SLC27A2: variants seen among roughly 807,000 people sequenced by gnomAD.
SLC27A2 encodes solute carrier family 27 member 2.
In SLC27A2, 54 loss-of-function variants were observed where a neutral mutation model predicts 60.0. The ratio of observed to expected loss-of-function variants is 0.90; its 90% CI spans 0.72 to 1.13. The LOEUF (loss-of-function observed/expected upper bound fraction) is 1.13, where lower values mean the gene tolerates loss of function less well. Ranked by LOEUF, SLC27A2 falls within the 50% of genes most tolerant of loss-of-function variation. The pLI is 0.00. For synonymous variants in SLC27A2, 297 were observed against 297.6 expected (o/e 1.00, Z 0.02); for missense variants, 739 against 777.6 (o/e 0.95, Z 0.59).
At chr15:50,223,403 G>A (rs1461091975) in intron 5 of SLC27A2, among the ~76,000 whole-genome samples, 6 of 152,172 alleles carry the variant, frequency 3.9e-5, no homozygotes, top group Non-Finnish European at 5.9e-5. Context: ...CTGCAACTTA[G>A]GTGAAGTCTT....
At chr15:50,207,952 CAA>C (rs766791604) in intron 4 of SLC27A2, among the ~76,000 whole-genome samples, 9 of 114,412 alleles carry the variant, frequency 7.9e-5, no homozygotes, top group African/African-American at 1.2e-4. Flanking sequence ...AAAGACTTTG[CAA>C]AAAAAAAAAA....
At chr15:50,192,073 AG>A (rs201433523) in intron 1 of SLC27A2, among the ~76,000 whole-genome samples, 12 of 151,976 alleles carry the variant, frequency 7.9e-5, no homozygotes, top group African/African-American at 2.9e-4. Context: ...AAAAAAAAAA[AG>A]AAAAAAGAAA....
At position 50,223,516 on chromosome 15, in the gene SLC27A2, G is replaced by A. The variant is rs534639930; in HGVS notation, c.1167+357G>A. Among the ~76,000 whole-genome samples the A allele has an allele frequency of 1.7e-3, 255 of 151,176 alleles. 2 individuals are homozygous for A. Among genetic ancestry groups the A allele is most frequent in the Non-Finnish European group, 2.8e-3 (187 of 67,756 alleles). ...CATAGTATTTCCCTTTAATTGTGTCGTGCAGCACCATCACCTGGGGAGTTT... is the reference window on the plus strand; with the variant it reads ...CATAGTATTTCCCTTTAATTGTGTCATGCAGCACCATCACCTGGGGAGTTT... On this transcript the variant is annotated intron_variant, in intron 5 of 9. Coordinates refer to ENST00000267842, the MANE Select transcript of SLC27A2 (RefSeq NM_003645.4).
intron 9 of SLC27A2, among the ~76,000 whole-genome samples, chr15:50,235,115 G>A (rs754434675): frequency 1.3e-5 from 2 of 152,112 alleles, no homozygotes; most frequent in Non-Finnish European, 2.9e-5. Flanking sequence ...TGAGCTCTGT[G>A]ATTCTGTAGC....
intron 2 of SLC27A2, among the ~76,000 whole-genome samples, chr15:50,199,393 G>A (rs2045047439): frequency 6.6e-6 from 1 of 150,624 alleles, no homozygotes; most frequent in South Asian, 2.1e-4. Context: ...AGAATGGCAT[G>A]CATGAACCAG....
intron 1 of SLC27A2, among the ~76,000 whole-genome samples, chr15:50,193,564 G>A (rs77179938): frequency 0.023 from 3,489 of 152,306 alleles, 136 homozygotes; most frequent in African/African-American, 0.08. Flanking sequence ...AGCAGTAGGA[G>A]TTGTTGTTTT....
chr15:50,182,872 T>G lies in SLC27A2; in HGVS notation c.445T>G (p.Cys149Gly). The G allele has an allele frequency of 6.2e-7, 1 of 1,611,806 alleles. No individual in the cohort carries two copies. The highest frequency in any genetic ancestry group is 8.5e-7 in the Non-Finnish European group (1 of 1,179,406). ...GAAGTCCCTGCTGCACTGCTTCCAG[T>G]GCTGCGGGGCGAAGGTGCTGCTGGT... ...RAKSLLHCFQCCGAKVLLVSP... is the reference protein window; with the variant it reads ...RAKSLLHCFQGCGAKVLLVSP... Residue 149 changes from cysteine to glycine, a missense_variant, in exon 1 of 10, where the codon TGC (cysteine) becomes GGC (glycine). By Grantham distance (159) the Cys-to-Gly change is radical. Transcript: ENST00000267842.
rs755863102 is a variant in SLC27A2, at chr15:50,226,043, G to T, written c.1223G>T (p.Arg408Leu). 1.2e-6 allele frequency: 2 copies of T among 1,611,684 alleles called. No homozygotes were observed. The highest frequency in any genetic ancestry group is 1.7e-6 in the Non-Finnish European group (2 of 1,177,794). The change falls in exon 6 of 10, where the codon CGT becomes CTT. Residue 408 changes from arginine to leucine, a missense_variant. By Grantham distance (102) the Arg-to-Leu change is moderately radical. Coordinates refer to ENST00000267842, the MANE Select transcript of SLC27A2 (RefSeq NM_003645.4). ...GATGTGGAGAAAGATGAACCTGTCC[G>T]TGATGAAAATGGATATTGCGTCAGA... The part of the protein sequence containing the change: ...KYDVEKDEPV[R>L]DENGYCVRVP...
chr15:50,226,318 G>A (rs1391645407), intron 6 of SLC27A2, among the ~76,000 whole-genome samples: 2 of 152,196 alleles, frequency 1.3e-5, no homozygotes, highest in Admixed American at 1.3e-4. Context: ...TGTTTTGTGG[G>A]AAGGGATATG....
At chr15:50,208,472 G>C (rs1031059443) in intron 4 of SLC27A2, among the ~76,000 whole-genome samples, 1 of 152,142 alleles carries the variant, frequency 6.6e-6, no homozygotes, top group African/African-American at 2.4e-5. Context: ...TACCTCACAT[G>C]GGGTCTATGA....
Position 50,196,064 on chromosome 15 carries a change from A to AAAAT in SLC27A2, c.479-1433_479-1432insTAAA, listed in dbSNP as rs1269591852. Among the ~76,000 whole-genome samples the AAAAT allele has an allele frequency of 1.1e-3, 24 of 21,418 alleles. 2 individuals carry two copies. Among genetic ancestry groups the AAAAT allele is most frequent in the Non-Finnish European group, 2.2e-3 (22 of 10,018 alleles). The allele number at this position is 21,418 out of a possible 152,430, so 14.1% of individuals were successfully genotyped here. ...GCCAGACTCTGTCTCAAAAAAAAAA[A>AAAAT]AAAAAAAAAAAAAATATATATATAT... On this transcript the variant is annotated intron_variant, in intron 1 of 9. Transcript: ENST00000267842.
chr15:50,195,167 A>T (rs2045003376), intron 1 of SLC27A2, among the ~76,000 whole-genome samples: 1 of 152,130 alleles, frequency 6.6e-6, no homozygotes, highest in Non-Finnish European at 1.5e-5. Flanking sequence ...AACAGCTTTT[A>T]AAAAATTGAC....
intron 4 of SLC27A2, among the ~76,000 whole-genome samples, chr15:50,213,812 G>A (rs2045174981): frequency 6.6e-6 from 1 of 151,990 alleles, no homozygotes; most frequent in African/African-American, 2.4e-5. Context: ...AACAAAGGCG[G>A]TGCTAAGAGG....
chr15:50,191,221 A>C (rs920424605), intron 1 of SLC27A2: 1 of 152,212 alleles, frequency 6.6e-6, no homozygotes, highest in African/African-American at 2.4e-5. Flanking sequence ...TGCAAATGAA[A>C]ATTTTAAATG....
intron 1 of SLC27A2, among the ~76,000 whole-genome samples, chr15:50,188,982 A>AATAGATAGATAGATAGATAG (rs199573332): frequency 7.4e-6 from 1 of 135,422 alleles, no homozygotes; most frequent in Non-Finnish European, 1.6e-5. Flanking sequence ...TAGATAGATA[A>AATAGATAGATAGATAGATAG]ATAGATAGAT....
At chr15:50,220,486 G>T (rs1206978698) in intron 4 of SLC27A2, among the ~76,000 whole-genome samples, 2 of 152,246 alleles carry the variant, frequency 1.3e-5, no homozygotes, top group Non-Finnish European at 2.9e-5. Flanking sequence ...GTGGGTAGGA[G>T]AAGGGCTGCT....
At chr15:50,228,831 G>C in intron 7 of SLC27A2, 114 bp from the exon 8 acceptor site, 1 of 726,786 alleles carries the variant, frequency 1.4e-6, no homozygotes, top group South Asian at 1.7e-5. Flanking sequence ...GGGCCAAGAT[G>C]AGGAACACGA....
At chr15:50,197,791 G>C (rs1015837257) in intron 2 of SLC27A2, 82 bp downstream of exon 2, 3 of 990,682 alleles carry the variant, frequency 3.0e-6, no homozygotes, top group Non-Finnish European at 4.7e-6. Flanking sequence ...CTCTTTCTTT[G>C]GCAAAACGTA....
Position 50,182,275 on chromosome 15 carries a change from C to G in SLC27A2, c.-153C>G. 8.3e-7 allele frequency: 1 copy of G among 1,208,908 alleles called. No individual in the cohort carries two copies. The highest frequency in any genetic ancestry group is 1.1e-6 in the Non-Finnish European group (1 of 948,698). The allele number at this position is 1,208,908 out of a possible 1,614,324, so 74.9% of individuals were successfully genotyped here. A position where few individuals can be genotyped will look rare whatever the true frequency, so the allele number is the denominator to read the frequency against. On this transcript the variant is annotated 5_prime_UTR_variant, in exon 1 of 10. Transcript: ENST00000267842. The stretch of plus-strand genomic sequence containing the variant: ...CGCGGCGGTACCTGCAGCGGAGGAG[C>G]TCTGTCTTCCCCTTCATCTCACGCG...
Sources: gnomAD v4.1 joint callset for allele counts (sites outside exome capture counted in the v4.1 genomes callset) on GRCh38, gnomAD v4.1.1 for gene constraint, MANE v1.5 for transcripts, NCBI Gene and HGNC (gene_info 2026-07-23, HGNC 2026-07-21) for gene names.